Variants in OGDH observed in about 807,000 individuals in gnomAD.
The protein encoded by OGDH is 2-oxoglutarate dehydrogenase complex component E1.
A neutral mutation model predicts 116.6 loss-of-function variants in OGDH; 38 were observed. The observed-to-expected ratio is 0.33, with a 90% CI of 0.25 to 0.43. The LOEUF (loss-of-function observed/expected upper bound fraction) is 0.43, where lower values mean the gene tolerates loss of function less well. Ranked by LOEUF, OGDH falls within the 20% of genes least tolerant of loss-of-function variation. OGDH has a pLI of 1.00. For missense variants in OGDH, 825 were observed against 1,357.2 expected (o/e 0.61, Z 6.16); for synonymous variants, 488 against 533.3 (o/e 0.92, Z 1.17).
At chr7:44,609,544 T>C (rs990675344) in intron 1 of OGDH, among the ~76,000 whole-genome samples, 2 of 151,860 alleles carry the variant, frequency 1.3e-5, no homozygotes, top group East Asian at 1.9e-4. Flanking sequence ...CATTCCTTTT[T>C]ATTGAAGCCG....
rs756656116 is a variant in OGDH at position 44,697,376 on chromosome 7, C to T, written c.2058C>T (p.Arg686=). 1.2e-6 allele frequency: 2 copies of T among 1,614,192 alleles called. No homozygotes were observed. The highest frequency in any genetic ancestry group is 1.1e-5 in the South Asian group (1 of 91,084). The change falls in exon 16 of 23, where the codon CGC becomes CGT. Residue 686 remains arginine (R), a synonymous_variant. Transcript: ENST00000222673. The surrounding 1 kb of genome is among the most constrained non-coding windows in gnomAD (Gnocchi z 6.0). ...QDVERGTFSH[R]HHVLHDQNVD... ...CTCTGTTGTCCTGTCTCAGCCACCGCCACCATGTGCTCCATGACCAGAATG... is the reference window on the plus strand; with the variant it reads ...CTCTGTTGTCCTGTCTCAGCCACCGTCACCATGTGCTCCATGACCAGAATG...
intron 10 of OGDH, among the ~76,000 whole-genome samples, chr7:44,688,025 T>C (rs1585369587): frequency 1.3e-5 from 2 of 152,306 alleles, no homozygotes; most frequent in Middle Eastern, 3.4e-3. Context: ...ATATGTGCCC[T>C]ATATCAGTTG....
At chr7:44,691,372 C>G (rs955985356) in intron 10 of OGDH, among the ~76,000 whole-genome samples, 1 of 151,090 alleles carries the variant, frequency 6.6e-6, no homozygotes, top group Non-Finnish European at 1.5e-5. Flanking sequence ...CAAAACAAAA[C>G]AAAACAAAAA....
intron 1 of OGDH, among the ~76,000 whole-genome samples, chr7:44,609,339 C>CAAAAAAAA (rs1185554089): frequency 2.5e-5 from 2 of 81,574 alleles, no homozygotes; most frequent in Non-Finnish European, 4.4e-5. Context: ...CTCGTCTCTA[C>CAAAAAAAA]AAAAAAAAAA....
chr7:44,617,997 C>T (rs549472405), intron 1 of OGDH, among the ~76,000 whole-genome samples: 3 of 152,262 alleles, frequency 2.0e-5, no homozygotes, highest in East Asian at 3.9e-4. Context: ...GCATAGACCT[C>T]GAAGGCTTCA....
intron 2 of OGDH, among the ~76,000 whole-genome samples, chr7:44,636,195 G>T (rs1352962496): frequency 2.0e-5 from 3 of 152,274 alleles, no homozygotes; most frequent in Non-Finnish European, 4.4e-5. Context: ...TGGTCTGTGA[G>T]TGGGCACTGG....
chr7:44,674,010 G>A (rs986332684), intron 6 of OGDH, 69 bp downstream of exon 6: 29 of 1,582,272 alleles, frequency 1.8e-5, no homozygotes, highest in Non-Finnish European at 2.4e-5. Context: ...TGTGTTGATC[G>A]GGCCTGTGTG....
At chr7:44,680,633 G>A (rs1207589083) in intron 9 of OGDH, among the ~76,000 whole-genome samples, 1 of 152,024 alleles carries the variant, frequency 6.6e-6, no homozygotes, top group Non-Finnish European at 1.5e-5. Flanking sequence ...AGATGTATGC[G>A]GAATGGGCCT....
rs1044499864 is a variant in OGDH, at chr7:44,629,382, T to C, written c.222+4817T>C. Among the ~76,000 whole-genome samples, 3 of 152,146 alleles carry C rather than the reference T, an allele frequency of 2.0e-5. No individual in the cohort carries two copies. In the South Asian group the frequency reaches 6.2e-4, roughly 31 times the overall value. On this transcript the variant is annotated intron_variant, in intron 2 of 22. Transcript: ENST00000222673. ...TTCTCCCAACAGTGCCTTCAGCAGC[T>C]GCCTTGAGGGTGCCATCATTGGCCC...
In OGDH at chr7:44,707,631, C is replaced by G. The variant is rs781235052; in HGVS notation, c.2846C>G (p.Pro949Arg). 4 of 1,614,192 alleles carry G rather than the reference C, an allele frequency of 2.5e-6. No individual in the cohort carries two copies. In the East Asian group the frequency reaches 8.9e-5, roughly 36 times the overall value. Residue 949 changes from proline to arginine, a missense_variant, in exon 22 of 23, where the codon CCC (proline) becomes CGC (arginine). Transcript: ENST00000222673. This position sits in a 1 kb window ranked among gnomAD's most constrained non-coding sequence, Gnocchi z 5.2. The stretch of plus-strand genomic sequence containing the variant: ...CTGCTGAAGGAGGTGCAGAAGTACC[C>G]CAATGCTGAGCTGGCCTGGTGCCAG... Reference protein sequence around the residue: ...DLLLKEVQKYPNAELAWCQEE... With the variant: ...DLLLKEVQKYRNAELAWCQEE...
At chr7:44,675,112 C>G (rs1315742201) in intron 7 of OGDH, 66 bp from the exon 8 acceptor site, 3 of 1,286,086 alleles carry the variant, frequency 2.3e-6, no homozygotes, top group Non-Finnish European at 3.4e-6. Context: ...GATTGTAACA[C>G]CCTCATCTGC....
At chr7:44,614,449 A>G (rs1312273933) in intron 1 of OGDH, among the ~76,000 whole-genome samples, 1 of 151,912 alleles carries the variant, frequency 6.6e-6, no homozygotes, top group African/African-American at 2.4e-5. Context: ...ATTTCTTTGA[A>G]TGCTTTTCCA....
At chr7:44,620,423 A>C (rs965990364) in intron 1 of OGDH, among the ~76,000 whole-genome samples, 3 of 152,166 alleles carry the variant, frequency 2.0e-5, no homozygotes, top group Non-Finnish European at 4.4e-5. Flanking sequence ...GGTTACAAAG[A>C]TTTACTTCAT....
intron 1 of OGDH, among the ~76,000 whole-genome samples, chr7:44,615,674 G>C (rs930262417): frequency 2.0e-5 from 3 of 152,168 alleles, no homozygotes; most frequent in Non-Finnish European, 4.4e-5. Context: ...GTCTACACCT[G>C]TTGGCATTTC....
At chr7:44,688,722 G>A (rs184566007) in intron 10 of OGDH, among the ~76,000 whole-genome samples, 4 of 151,920 alleles carry the variant, frequency 2.6e-5, no homozygotes, top group South Asian at 2.1e-4. Flanking sequence ...GAGCCACAGC[G>A]CCAGGCCTTA....
chr7:44,694,421 CA>C lies in OGDH; in HGVS notation c.1516-2del. 6.2e-7 allele frequency: 1 copy of C among 1,613,744 alleles called. No individual in the cohort carries two copies. Among genetic ancestry groups the C allele is most frequent in the Non-Finnish European group, 8.5e-7 (1 of 1,179,974 alleles). On this transcript the variant is annotated splice_acceptor_variant, in intron 11 of 22. Coordinates refer to ENST00000222673, the MANE Select transcript of OGDH (RefSeq NM_002541.4). LOFTEE classifies it high-confidence loss of function. This position sits in a 1 kb window ranked among gnomAD's most constrained non-coding sequence, Gnocchi z 4.2. The stretch of plus-strand genomic sequence containing the variant: ...TCTGACATCCTCTCACTGCTCTGAG[CA>C]GGTGTGTTACCGGCGCAACGGCCAC...
intron 4 of OGDH, among the ~76,000 whole-genome samples, chr7:44,657,848 A>AT (rs1786762584): frequency 1.3e-5 from 2 of 152,264 alleles, no homozygotes; most frequent in Non-Finnish European, 2.9e-5. Flanking sequence ...TTCATTTTAT[A>AT]TTTTTGTGTG....
intron 2 of OGDH, among the ~76,000 whole-genome samples, chr7:44,638,916 C>T (rs1016782988): frequency 1.3e-5 from 2 of 152,198 alleles, no homozygotes; most frequent in African/African-American, 4.8e-5. Flanking sequence ...ATTTATCCCC[C>T]AGGATGGGGA....
intron 1 of OGDH, among the ~76,000 whole-genome samples, chr7:44,618,501 A>G (rs1251298991): frequency 6.6e-6 from 1 of 152,158 alleles, no homozygotes; most frequent in Non-Finnish European, 1.5e-5. Flanking sequence ...ATTATCGTAT[A>G]TGGGTTTTTG....
Sources: allele counts gnomAD v4.1 joint callset (sites outside exome capture counted in the v4.1 genomes callset), GRCh38; gene constraint gnomAD v4.1.1; non-coding constraint Gnocchi (gnomAD v3.1); transcripts MANE v1.5; gene names NCBI Gene and HGNC (gene_info 2026-07-23, HGNC 2026-07-21).